MACF1: variants seen among roughly 807,000 people sequenced by gnomAD.
MACF1 encodes the protein microtubule actin crosslinking factor 1, also known as microtubule-actin cross-linking factor 1.
A neutral mutation model predicts 854.8 loss-of-function variants in MACF1; 193 were observed. The ratio of observed to expected loss-of-function variants is 0.23; its 90% CI spans 0.20 to 0.25. MACF1 has a LOEUF of 0.25. Among genes scored for constraint, MACF1 ranks in the 10% least tolerant of loss-of-function variants. MACF1 has a pLI of 1.00. For missense variants in MACF1, 7,722 were observed against 8,929.1 expected (o/e 0.86, Z 5.45); for synonymous variants, 3,185 against 3,226.7 (o/e 0.99, Z 0.44).
In MACF1 at chr1:39,428,194, CAACTGGCTG is replaced by C; in HGVS notation, c.16711_16719del (p.Asn5571_Leu5573del). On this transcript the variant is annotated inframe_deletion, in exon 63 of 101. Coordinates refer to ENST00000564288, the MANE Select transcript of MACF1 (RefSeq NM_001394062.1). ...TTGGGGAGGATGAGGTGGAGGTGCT[CAACTGGCTG>C]GCTGAGGTTGAGGACAAGCTCAGTT... The C allele has an allele frequency of 6.2e-7, 1 of 1,614,122 alleles. No homozygotes were observed. The highest frequency in any genetic ancestry group is 8.5e-7 in the Non-Finnish European group (1 of 1,180,008).
intron 2 of MACF1, among the ~76,000 whole-genome samples, chr1:39,173,349 A>AG (rs1201718267): frequency 7.5e-6 from 1 of 132,820 alleles, no homozygotes; most frequent in Non-Finnish European, 1.6e-5. Flanking sequence ...AAAAAAAAAA[A>AG]AAAAAGAAAG....
At chr1:39,352,900 T>TTGC in intron 43 of MACF1, 107 bp from the exon 44 acceptor site, 1 of 664,120 alleles carries the variant, frequency 1.5e-6, no homozygotes, top group Non-Finnish European at 2.6e-6. Context: ...TACCCAGTCT[T>TTGC]AGAATTAGCA....
At chr1:39,447,408 G>T in intron 80 of MACF1, 24 bp from the exon 81 acceptor site, 1 of 1,612,208 alleles carries the variant, frequency 6.2e-7, no homozygotes, top group Non-Finnish European at 8.5e-7. Context: ...CTTTCTGTGT[G>T]TGTGTGTTTT....
intron 35 of MACF1, 43 bp from the exon 36 acceptor site, chr1:39,327,175 G>GT (rs549218108): frequency 1.8e-3 from 2,620 of 1,449,254 alleles, no homozygotes; most frequent in South Asian, 4.2e-3. Flanking sequence ...TTTGGAGATT[G>GT]TTTTTTTTTC....
chr1:39,223,670 CCACGTCTGG>C (rs2148293810), intron 1 of MACF1, among the ~76,000 whole-genome samples: 1 of 152,122 alleles, frequency 6.6e-6, no homozygotes, highest in Admixed American at 6.5e-5. Flanking sequence ...GTGCCTGCCA[CCACGTCTGG>C]CTAATTTTTG....
intron 2 of MACF1, chr1:39,249,743 C>G (rs1180435881): frequency 3.7e-6 from 1 of 268,320 alleles, no homozygotes; most frequent in Non-Finnish European, 7.1e-6. Flanking sequence ...TCCCCATCTT[C>G]TTGTCCAAAC....
intron 58 of MACF1, chr1:39,410,111 A>C: frequency 1.8e-6 from 1 of 543,754 alleles, no homozygotes; most frequent in East Asian, 2.9e-5. Context: ...GAATGGTTTC[A>C]AAACGGAACT....
intron 26 of MACF1, among the ~76,000 whole-genome samples, chr1:39,315,254 A>G (rs1238330314): frequency 1.3e-5 from 2 of 152,206 alleles, no homozygotes; most frequent in Non-Finnish European, 2.9e-5. Flanking sequence ...AAAATATAAC[A>G]TGCTATAGAT....
At position 39,427,613 on chromosome 1, in the gene MACF1, A is replaced by C; in HGVS notation, c.16475A>C (p.Lys5492Thr). 1 of 1,612,704 alleles carries C rather than the reference A, an allele frequency of 6.2e-7. No homozygotes were observed. Among genetic ancestry groups the C allele is most frequent in the Non-Finnish European group, 8.5e-7 (1 of 1,179,538 alleles). ...AKIQQQIIRH[K>T]ALEEDIENHA... is the part of the protein sequence containing the mutation. ...ATACAGCAGCAGATCATTCGGCACA[A>C]GGTAGGGAGTGGTTACAGTAAATGA... Residue 5492 changes from lysine (K) to threonine (T), a missense_variant and splice_region_variant, in exon 62 of 101, where the codon AAG becomes ACG. Around this residue, in one of 15 missense-constraint regions of MACF1, gnomAD observed 2,807 missense variants for 3,235.8 expected, o/e 0.87. Coordinates refer to ENST00000564288, the MANE Select transcript of MACF1 (RefSeq NM_001394062.1).
chr1:39,180,197 G>A (rs543204792), intron 2 of MACF1, among the ~76,000 whole-genome samples: 1 of 152,068 alleles, frequency 6.6e-6, no homozygotes, highest in South Asian at 2.1e-4. Context: ...TTATTATGAT[G>A]GCTTTTCCTC....
chr1:39,135,434 A>C (rs1643140638), intron 2 of MACF1, among the ~76,000 whole-genome samples: 1 of 152,068 alleles, frequency 6.6e-6, no homozygotes, highest in Admixed American at 6.5e-5. Context: ...TTTTTAGTAG[A>C]GATGGGGTTT....
chr1:39,151,500 CATT>C (rs951429857), intron 2 of MACF1, among the ~76,000 whole-genome samples: 3 of 152,150 alleles, frequency 2.0e-5, no homozygotes, highest in Non-Finnish European at 4.4e-5. Context: ...CATTTCCTGC[CATT>C]ATTCTTCCGA....
intron 2 of MACF1, among the ~76,000 whole-genome samples, chr1:39,185,320 G>GA (rs1644154164): frequency 6.6e-6 from 1 of 150,730 alleles, no homozygotes; most frequent in Non-Finnish European, 1.5e-5. Flanking sequence ...AAAGGAAAAA[G>GA]AAAAGAAAAA....
chr1:39,163,828 A>G (rs1293370648), intron 2 of MACF1, among the ~76,000 whole-genome samples: 5 of 152,126 alleles, frequency 3.3e-5, no homozygotes, highest in Admixed American at 2.0e-4. Flanking sequence ...CTTGGCTTGG[A>G]AAAAAGACTT....
At position 39,393,607 on chromosome 1, in the gene MACF1, G is replaced by A. The variant is rs184762204; in HGVS notation, c.15816+4949G>A. ...GCAGATCACTTGAGCCCAGGAGTTC[G>A]AGACCAGCCTGGGCAACAAAATGAG... On this transcript the variant is annotated intron_variant, in intron 58 of 100. Coordinates refer to ENST00000564288, the MANE Select transcript of MACF1 (RefSeq NM_001394062.1). 5.2e-4 allele frequency among the ~76,000 whole-genome samples: 79 copies of A among 152,050 alleles called. No homozygotes were observed. The East Asian group carries it at 0.014, about 26-fold the overall frequency.
intron 2 of MACF1, among the ~76,000 whole-genome samples, chr1:39,165,123 A>G (rs1643869822): frequency 6.6e-6 from 1 of 152,152 alleles, no homozygotes; most frequent in Non-Finnish European, 1.5e-5. Flanking sequence ...GCCAATAAGA[A>G]AGTCTCTGCA....
chr1:39,452,104 T>C (rs892645466), intron 85 of MACF1, 52 bp from the exon 86 acceptor site: 18 of 1,435,486 alleles, frequency 1.3e-5, no homozygotes, highest in Non-Finnish European at 1.6e-5. Context: ...CAGTGGTTTC[T>C]TGGACTCAAA....
At chr1:39,449,282 C>G (rs571695185) in intron 84 of MACF1, among the ~76,000 whole-genome samples, 1 of 152,194 alleles carries the variant, frequency 6.6e-6, no homozygotes, top group Non-Finnish European at 1.5e-5. Flanking sequence ...CTCAGCTACC[C>G]TGTTGGCAGA....
In MACF1 at chr1:39,327,202, A is replaced by G. The variant is rs1646632490; in HGVS notation, c.4479-16A>G. 6.4e-7 allele frequency: 1 copy of G among 1,550,486 alleles called. No individual in the cohort carries two copies. Among genetic ancestry groups the G allele is most frequent in the Non-Finnish European group, 8.8e-7 (1 of 1,136,974 alleles). Reference sequence around the variant, plus strand: ...TTTTTTTTCTCCTAAAAAAGCTTTAATGCTTCATCTTCCAGGCTCTCAGAA... The same window carrying G: ...TTTTTTTTCTCCTAAAAAAGCTTTAGTGCTTCATCTTCCAGGCTCTCAGAA... On this transcript the variant is annotated splice_polypyrimidine_tract_variant and intron_variant, in intron 35 of 100. Coordinates refer to ENST00000564288, the MANE Select transcript of MACF1 (RefSeq NM_001394062.1).
Sources: gnomAD v4.1 joint callset for allele counts (sites outside exome capture counted in the v4.1 genomes callset) on GRCh38, gnomAD v4.1.1 for gene constraint, gnomAD v4.1.1 regional missense constraint, MANE v1.5 for transcripts, NCBI Gene and HGNC (gene_info 2026-07-23, HGNC 2026-07-21) for gene names.